GLG1: variants seen among roughly 807,000 people sequenced by gnomAD.
GLG1 encodes golgi glycoprotein 1.
GLG1 carries 38 observed loss-of-function variants against 160.5 expected under a neutral mutation model. That is an observed-to-expected ratio of 0.24 (90% CI 0.18 to 0.31). The LOEUF (loss-of-function observed/expected upper bound fraction) is 0.31. Ranked by LOEUF, GLG1 falls within the 10% of genes least tolerant of loss-of-function variation. The pLI, the probability that GLG1 is intolerant of heterozygous loss-of-function variation, is 1.00. For synonymous variants in GLG1, 644 were observed against 543.4 expected (o/e 1.19, Z -2.57); for missense variants, 1,373 against 1,505.2 (o/e 0.91, Z 1.45).
At chr16:74,477,878 C>G (rs1194725708) in intron 11 of GLG1, among the ~76,000 whole-genome samples, 1 of 151,736 alleles carries the variant, frequency 6.6e-6, no homozygotes, top group African/African-American at 2.4e-5. Context: ...GAGGCTGAGG[C>G]AGAAGAATCG....
At position 74,496,461 on chromosome 16, in the gene GLG1, G is replaced by A; in HGVS notation, c.958C>T (p.Arg320Trp). The change falls in exon 5 of 26, where the codon CGG becomes TGG. Residue 320 changes from arginine to tryptophan, a missense_variant. Physicochemically the swap from Arg to Trp is moderately radical, Grantham distance 101. Around this residue, in one of 4 missense-constraint regions of GLG1, gnomAD observed 174 missense variants for 229.9 expected, o/e 0.76. Coordinates refer to ENST00000422840, the MANE Select transcript of GLG1 (RefSeq NM_001145667.2). ...RHLYFACRDDRERFCENTQAG... is the reference protein window; with the variant it reads ...RHLYFACRDDWERFCENTQAG... ...CTCACATTTTCACAAAAACGCTCCCGATCATCTCGGCAAGCAAAATATAAA... is the reference window on the plus strand; with the variant it reads ...CTCACATTTTCACAAAAACGCTCCCAATCATCTCGGCAAGCAAAATATAAA... 2 of 1,613,120 alleles carry A rather than the reference G, an allele frequency of 1.2e-6. No individual in the cohort carries two copies. Among genetic ancestry groups the A allele is most frequent in the Non-Finnish European group, 1.7e-6 (2 of 1,179,184 alleles).
chr16:74,604,523 A>G (rs1958519780), intron 1 of GLG1, among the ~76,000 whole-genome samples: 1 of 152,238 alleles, frequency 6.6e-6, no homozygotes, highest in African/African-American at 2.4e-5. Context: ...ATGGGTACGG[A>G]TAGGAAAATG....
intron 1 of GLG1, among the ~76,000 whole-genome samples, chr16:74,545,711 T>C (rs2018026605): frequency 6.6e-6 from 1 of 152,246 alleles, no homozygotes; most frequent in Non-Finnish European, 1.5e-5. Flanking sequence ...AACTTTATAT[T>C]TAAGTTCAAC....
chr16:74,584,606 C>T lies in GLG1; in HGVS notation c.438+22051G>A, dbSNP rs143192362. On this transcript the variant is annotated intron_variant, in intron 1 of 25. Coordinates refer to ENST00000422840, the MANE Select transcript of GLG1 (RefSeq NM_001145667.2). ...GGGACTTGGGGTAGAGGGTGGGAAGCGGTTGAGGAATAAAAAAACCACACA... is the reference window on the plus strand; with the variant it reads ...GGGACTTGGGGTAGAGGGTGGGAAGTGGTTGAGGAATAAAAAAACCACACA... Among the ~76,000 whole-genome samples the T allele has an allele frequency of 2.2e-3, 328 of 151,928 alleles. 1 individual carries two copies. The highest frequency in any genetic ancestry group is 7.4e-3 in the African/African-American group (308 of 41,430).
intron 1 of GLG1, among the ~76,000 whole-genome samples, chr16:74,603,784 G>T (rs748446863): frequency 7.9e-5 from 12 of 152,004 alleles, no homozygotes; most frequent in Non-Finnish European, 1.6e-4. Flanking sequence ...CCACCTACTA[G>T]AACAGCCCAG....
intron 7 of GLG1, among the ~76,000 whole-genome samples, chr16:74,492,569 A>C (rs1373435674): frequency 6.6e-6 from 1 of 151,750 alleles, no homozygotes; most frequent in East Asian, 1.9e-4. Context: ...CTATAATCCA[A>C]GCACTTTGAG....
intron 2 of GLG1, among the ~76,000 whole-genome samples, chr16:74,517,596 C>T (rs2017018852): frequency 6.6e-6 from 1 of 152,162 alleles, no homozygotes; most frequent in Admixed American, 6.5e-5. Context: ...CAATATCATA[C>T]TGAATGGGCA....
intron 2 of GLG1, among the ~76,000 whole-genome samples, chr16:74,515,576 T>C (rs987459225): frequency 1.3e-5 from 2 of 151,862 alleles, no homozygotes; most frequent in Admixed American, 6.5e-5. Context: ...AAGGCAGGGA[T>C]AGCATTAGGA....
intron 1 of GLG1, among the ~76,000 whole-genome samples, chr16:74,605,147 G>GA: frequency 6.6e-6 from 1 of 152,178 alleles, no homozygotes; most frequent in Middle Eastern, 3.4e-3. Context: ...AAAACTGGAG[G>GA]AAAAAACATT....
chr16:74,568,036 G>C (rs1042075296), intron 1 of GLG1, among the ~76,000 whole-genome samples: 2 of 152,180 alleles, frequency 1.3e-5, no homozygotes, highest in African/African-American at 2.4e-5. Flanking sequence ...ATTCCTAACT[G>C]GTTCAGGGAC....
intron 2 of GLG1, among the ~76,000 whole-genome samples, chr16:74,517,702 C>T (rs2017024853): frequency 6.6e-6 from 1 of 152,068 alleles, no homozygotes; most frequent in South Asian, 2.1e-4. Flanking sequence ...CAGGCCAGGG[C>T]AATCAGGCAA....
chr16:74,586,693 GTAATTC>G (rs1386615114), intron 1 of GLG1, among the ~76,000 whole-genome samples: 1 of 149,900 alleles, frequency 6.7e-6, no homozygotes, highest in African/African-American at 2.5e-5. Flanking sequence ...ACACACATTT[GTAATTC>G]TAATTTTTTT....
intron 2 of GLG1, among the ~76,000 whole-genome samples, chr16:74,509,574 G>A (rs1214095949): frequency 1.3e-5 from 2 of 151,954 alleles, no homozygotes; most frequent in Admixed American, 6.6e-5. Context: ...AAATTGCCAG[G>A]CGCGGTGGCT....
chr16:74,599,073 C>A (rs1189924255), intron 1 of GLG1, among the ~76,000 whole-genome samples: 3 of 152,070 alleles, frequency 2.0e-5, no homozygotes, highest in Admixed American at 2.0e-4. Context: ...TATTAAGCAA[C>A]TATATACTGT....
chr16:74,562,661 T>C (rs1004360735), intron 1 of GLG1, among the ~76,000 whole-genome samples: 3 of 152,186 alleles, frequency 2.0e-5, no homozygotes, highest in East Asian at 3.9e-4. Context: ...GGTTTCACCA[T>C]GTTGGTCAGG....
At chr16:74,533,894 A>G (rs1354225165) in intron 1 of GLG1, among the ~76,000 whole-genome samples, 1 of 152,256 alleles carries the variant, frequency 6.6e-6, no homozygotes, top group East Asian at 1.9e-4. Flanking sequence ...AAAACATGCT[A>G]GTTTTAAAAT....
intron 1 of GLG1, among the ~76,000 whole-genome samples, chr16:74,601,596 C>T (rs1044516986): frequency 6.6e-6 from 1 of 152,088 alleles, no homozygotes. Context: ...CTAAATGCTT[C>T]CAGTGTTCTA....
chr16:74,571,083 C>A (rs927031123), intron 1 of GLG1, among the ~76,000 whole-genome samples: 7 of 151,902 alleles, frequency 4.6e-5, no homozygotes, highest in Admixed American at 4.6e-4. Flanking sequence ...AGTGCTTGTA[C>A]ACTGGAGCTT....
At chr16:74,461,616 G>A (rs151071412) in intron 22 of GLG1, 2,826 of 152,762 alleles carry the variant, frequency 0.018, 36 homozygotes, top group Non-Finnish European at 0.027. Context: ...GATTACTGGT[G>A]CACGCCACCA....
Sources: allele counts gnomAD v4.1 joint callset (sites outside exome capture counted in the v4.1 genomes callset), GRCh38; gene constraint gnomAD v4.1.1; regional missense constraint gnomAD v4.1.1; transcripts MANE v1.5; gene names NCBI Gene and HGNC (gene_info 2026-07-23, HGNC 2026-07-21).